The following QKI variants were observed in gnomAD, a reference collection of about 807,000 sequenced individuals.
The protein encoded by QKI is QKI, KH domain containing RNA binding.
In QKI, 10 loss-of-function variants were observed where a neutral mutation model predicts 39.0. The observed-to-expected ratio is 0.26, with a 90% CI of 0.16 to 0.43. QKI has a LOEUF of 0.43. Ranked by LOEUF, QKI falls within the 20% of genes least tolerant of loss-of-function variation. QKI has a pLI of 1.00. For missense variants in QKI, 218 were observed against 428.0 expected, an observed-to-expected ratio of 0.51 and a Z score of 4.33; for synonymous variants, 204 against 155.4, an observed-to-expected ratio of 1.31 and a Z score of -2.33.
At chr6:163,437,742 A>G (rs1789426478) in intron 1 of QKI, among the ~76,000 whole-genome samples, 1 of 152,176 alleles carries the variant, frequency 6.6e-6, no homozygotes, top group South Asian at 2.1e-4. Flanking sequence ...ATGCAAATTT[A>G]CATTACGGTA....
intron 1 of QKI, among the ~76,000 whole-genome samples, chr6:163,448,102 CTGA>C (rs1298359318): frequency 6.6e-6 from 1 of 152,110 alleles, no homozygotes; most frequent in Non-Finnish European, 1.5e-5. Context: ...AGAACTGCTG[CTGA>C]GAACAATCAG....
rs544749392 is a variant in QKI at position 163,558,180 on chromosome 6, C to G, written c.547-3802C>G. 3.6e-4 allele frequency among the ~76,000 whole-genome samples: 55 copies of G among 152,262 alleles called. 1 individual carries two copies. The South Asian group carries it at 0.01, about 28-fold the overall frequency. Reference sequence around the variant, plus strand: ...GAGGTCAGAAAAACTGGTCTGAAGACTGGCTCATAGAAGCTCTAGAGCCTC... The same window carrying G: ...GAGGTCAGAAAAACTGGTCTGAAGAGTGGCTCATAGAAGCTCTAGAGCCTC... On this transcript the variant is annotated intron_variant, in intron 4 of 7. Transcript: ENST00000361752.
chr6:163,415,566 C>A (rs937482372), intron 1 of QKI, among the ~76,000 whole-genome samples: 3 of 151,626 alleles, frequency 2.0e-5, no homozygotes, highest in African/African-American at 7.3e-5. Flanking sequence ...CGGGACCCCG[C>A]GCCGCTGGCG....
intron 2 of QKI, among the ~76,000 whole-genome samples, chr6:163,468,679 G>T (rs1019889575): frequency 6.6e-6 from 1 of 152,148 alleles, no homozygotes; most frequent in African/African-American, 2.4e-5. Flanking sequence ...AAACAGTAGG[G>T]TTAATGAATA....
At chr6:163,528,327 C>T (rs748729138) in intron 3 of QKI, among the ~76,000 whole-genome samples, 14 of 152,146 alleles carry the variant, frequency 9.2e-5, no homozygotes, top group Non-Finnish European at 1.9e-4. Context: ...TTCTGTGTTC[C>T]GTTTCTGGTT....
At chr6:163,446,074 A>G (rs1790131682) in intron 1 of QKI, among the ~76,000 whole-genome samples, 1 of 152,026 alleles carries the variant, frequency 6.6e-6, no homozygotes, top group Non-Finnish European at 1.5e-5. Flanking sequence ...ATCCTTTCAT[A>G]TTTTTGCTAA....
chr6:163,419,466 A>G (rs904205377), intron 1 of QKI, among the ~76,000 whole-genome samples: 4 of 152,180 alleles, frequency 2.6e-5, no homozygotes, highest in African/African-American at 9.6e-5. Context: ...TGTAACAAAC[A>G]GATTTTAAGG....
intron 2 of QKI, among the ~76,000 whole-genome samples, chr6:163,474,066 C>T (rs757264862): frequency 3.9e-5 from 6 of 152,056 alleles, no homozygotes; most frequent in Non-Finnish European, 7.4e-5. Context: ...AAATCCACTG[C>T]AATAACAGAA....
intron 1 of QKI, among the ~76,000 whole-genome samples, chr6:163,426,748 T>C (rs1040640428): frequency 5.9e-5 from 9 of 152,220 alleles, no homozygotes; most frequent in Non-Finnish European, 1.2e-4. Flanking sequence ...AGTGAGTTTC[T>C]AATGGGGCAA....
At chr6:163,472,540 G>A (rs1792282242) in intron 2 of QKI, among the ~76,000 whole-genome samples, 1 of 152,130 alleles carries the variant, frequency 6.6e-6, no homozygotes, top group South Asian at 2.1e-4. Context: ...AAAAATAGAA[G>A]TAAAAGGCGA....
At chr6:163,496,018 ATGTC>A (rs1360058512) in intron 3 of QKI, among the ~76,000 whole-genome samples, 1 of 152,198 alleles carries the variant, frequency 6.6e-6, no homozygotes, top group African/African-American at 2.4e-5. Flanking sequence ...TAGGATTGTA[ATGTC>A]TTTTGTCCAA....
chr6:163,439,721 C>T (rs1639055233), intron 1 of QKI, among the ~76,000 whole-genome samples: 1 of 147,976 alleles, frequency 6.8e-6, no homozygotes. Context: ...AGTGGCTTGG[C>T]TCACTGCAAC....
chr6:163,524,924 A>G (rs1486275898), intron 3 of QKI, among the ~76,000 whole-genome samples: 1 of 152,168 alleles, frequency 6.6e-6, no homozygotes, highest in Non-Finnish European at 1.5e-5. Context: ...TCTGAGATGT[A>G]AGTACTATCT....
intron 6 of QKI, chr6:163,565,100 A>G (rs1229217694): frequency 2.9e-6 from 3 of 1,025,836 alleles, no homozygotes; most frequent in Non-Finnish European, 3.5e-6. Flanking sequence ...TGTTTAAATC[A>G]TTGTATAAAG....
intron 3 of QKI, among the ~76,000 whole-genome samples, chr6:163,487,248 C>CT (rs1463480644): frequency 1.5e-4 from 23 of 151,998 alleles, no homozygotes; most frequent in African/African-American, 4.3e-4. Flanking sequence ...GTAGTGAACT[C>CT]TAATTTACCC....
At chr6:163,425,112 C>T (rs1190152592) in intron 1 of QKI, among the ~76,000 whole-genome samples, 2 of 152,092 alleles carry the variant, frequency 1.3e-5, no homozygotes, top group African/African-American at 4.8e-5. Context: ...GAGGATGTCA[C>T]TTTGAGCTGA....
intron 1 of QKI, chr6:163,423,473 C>T (rs1312718280): frequency 6.6e-6 from 1 of 152,168 alleles, no homozygotes; most frequent in East Asian, 1.9e-4. Context: ...TAGAGCAAGA[C>T]ACTCACTTCT....
chr6:163,576,930 G>A lies in QKI; in HGVS notation c.*6220G>A, dbSNP rs1777600603. On this transcript the variant is annotated 3_prime_UTR_variant, in exon 8 of 8. Transcript: ENST00000361752. ...AAACAGACTGCTACAGTGTTCCATA[G>A]TTGGACTGTGCATCCAAAACATTTT... is the stretch of plus-strand genomic sequence containing the variant. The A allele has an allele frequency of 6.6e-6, 1 of 152,204 alleles. No individual in the cohort carries two copies. The highest frequency in any genetic ancestry group is 2.4e-5 in the African/African-American group (1 of 41,448). 9.4% of individuals were successfully genotyped at this position (152,204 alleles called of 1,614,324 possible). A position where few individuals can be genotyped will look rare whatever the true frequency, so the allele number is the denominator to read the frequency against.
intron 3 of QKI, among the ~76,000 whole-genome samples, chr6:163,516,835 A>G (rs777326495): frequency 2.0e-5 from 3 of 152,122 alleles, no homozygotes; most frequent in Non-Finnish European, 4.4e-5. Context: ...ATTTTAACTT[A>G]CTTGGCTTTA....
Sources: gnomAD v4.1 joint callset for allele counts (sites outside exome capture counted in the v4.1 genomes callset) on GRCh38, gnomAD v4.1.1 for gene constraint, MANE v1.5 for transcripts, NCBI Gene and HGNC (gene_info 2026-07-23, HGNC 2026-07-21) for gene names.